The following GNAQ variants were observed in gnomAD, a reference collection of about 807,000 sequenced individuals.
GNAQ encodes guanine nucleotide-binding protein G(q) subunit alpha.
In GNAQ, 8 loss-of-function variants were observed where a neutral mutation model predicts 43.9. The observed-to-expected ratio is 0.18, with a 90% CI of 0.11 to 0.33. GNAQ has a LOEUF of 0.33. GNAQ is among the 10% of genes least tolerant of loss of function. The pLI is 1.00. For synonymous variants in GNAQ, 155 were observed against 170.7 expected, an observed-to-expected ratio of 0.91 and a Z score of 0.71; for missense variants, 158 against 450.8, an observed-to-expected ratio of 0.35 and a Z score of 5.88.
At chr9:77,888,617 G>C (rs1828348575) in intron 2 of GNAQ, among the ~76,000 whole-genome samples, 1 of 152,158 alleles carries the variant, frequency 6.6e-6, no homozygotes, top group Non-Finnish European at 1.5e-5. Context: ...TAAGGTTGGA[G>C]TTCTGCTTGC....
intron 1 of GNAQ, among the ~76,000 whole-genome samples, chr9:77,951,665 A>T (rs1822979380): frequency 6.6e-6 from 1 of 152,120 alleles, no homozygotes; most frequent in African/African-American, 2.4e-5. Context: ...CCTGAACACC[A>T]CAGAAGGGGT....
intron 1 of GNAQ, among the ~76,000 whole-genome samples, chr9:77,980,846 A>G (rs975708731): frequency 1.3e-5 from 2 of 152,214 alleles, no homozygotes; most frequent in African/African-American, 4.8e-5. Flanking sequence ...GATGTCACTA[A>G]AACAACTTCA....
intron 2 of GNAQ, among the ~76,000 whole-genome samples, chr9:77,892,415 T>C (rs1828420815): frequency 6.6e-6 from 1 of 152,214 alleles, no homozygotes; most frequent in Non-Finnish European, 1.5e-5. Context: ...AGAAGGACAC[T>C]GTCTTGGATT....
chr9:77,736,234 G>T (rs1242437349), intron 5 of GNAQ, among the ~76,000 whole-genome samples: 1 of 152,154 alleles, frequency 6.6e-6, no homozygotes, highest in Admixed American at 6.5e-5. Flanking sequence ...TAAAGGGGAG[G>T]ATCTTCAAAA....
chr9:77,811,878 C>T (rs1024103349), intron 3 of GNAQ, among the ~76,000 whole-genome samples: 6 of 152,112 alleles, frequency 3.9e-5, no homozygotes, highest in Non-Finnish European at 8.8e-5. Context: ...CAACCCCTTA[C>T]ATAACTGGCA....
chr9:77,981,587 G>A (rs996107970), intron 1 of GNAQ, among the ~76,000 whole-genome samples: 36 of 152,172 alleles, frequency 2.4e-4, no homozygotes, highest in African/African-American at 7.2e-4. Context: ...CTCCCAGGCT[G>A]TATACTCTAT....
At chr9:77,746,482 T>C (rs1825731791) in intron 5 of GNAQ, among the ~76,000 whole-genome samples, 1 of 152,174 alleles carries the variant, frequency 6.6e-6, no homozygotes, top group African/African-American at 2.4e-5. Flanking sequence ...ATCTTATATG[T>C]TGACCGTGTT....
At chr9:78,005,796 C>T (rs1469405455) in intron 1 of GNAQ, among the ~76,000 whole-genome samples, 1 of 152,172 alleles carries the variant, frequency 6.6e-6, no homozygotes, top group Non-Finnish European at 1.5e-5. Context: ...CGACTACTCC[C>T]CAGGCTCAAT....
At chr9:77,783,886 G>A (rs1826435103) in intron 5 of GNAQ, among the ~76,000 whole-genome samples, 1 of 152,012 alleles carries the variant, frequency 6.6e-6, no homozygotes, top group African/African-American at 2.4e-5. Context: ...GGGCAACATA[G>A]CAAGACCCTG....
chr9:77,802,866 C>T (rs1826767759), intron 3 of GNAQ, among the ~76,000 whole-genome samples: 1 of 152,122 alleles, frequency 6.6e-6, no homozygotes, highest in African/African-American at 2.4e-5. Flanking sequence ...ACTCCAATCC[C>T]TCCATGGGGA....
intron 2 of GNAQ, among the ~76,000 whole-genome samples, chr9:77,854,773 G>A (rs1827725479): frequency 1.3e-5 from 2 of 152,178 alleles, no homozygotes; most frequent in East Asian, 3.9e-4. Context: ...AGGACAGACA[G>A]TATAATTTAT....
intron 1 of GNAQ, among the ~76,000 whole-genome samples, chr9:77,940,823 C>T (rs1829304998): frequency 6.6e-6 from 1 of 151,752 alleles, no homozygotes. Flanking sequence ...AAAAATTAGC[C>T]GGGCGTGGTG....
At chr9:77,867,704 C>T (rs1215979171) in intron 2 of GNAQ, among the ~76,000 whole-genome samples, 4 of 152,146 alleles carry the variant, frequency 2.6e-5, no homozygotes, top group African/African-American at 4.8e-5. Context: ...GCATCACATG[C>T]AAGTACATAT....
At chr9:77,744,857 T>C (rs942625887) in intron 5 of GNAQ, among the ~76,000 whole-genome samples, 1 of 152,028 alleles carries the variant, frequency 6.6e-6, no homozygotes, top group Non-Finnish European at 1.5e-5. Context: ...AACTATTTAC[T>C]TCATTCTGTT....
intron 2 of GNAQ, among the ~76,000 whole-genome samples, chr9:77,838,568 T>A (rs918014566): frequency 6.6e-6 from 1 of 151,942 alleles, no homozygotes; most frequent in African/African-American, 2.4e-5. Context: ...TTCTGCCTCA[T>A]GATGGGAAAT....
At chr9:77,777,567 A>G (rs1400733976) in intron 5 of GNAQ, among the ~76,000 whole-genome samples, 1 of 152,016 alleles carries the variant, frequency 6.6e-6, no homozygotes, top group African/African-American at 2.4e-5. Context: ...TACAGAATAT[A>G]ATGTATTTGC....
intron 3 of GNAQ, among the ~76,000 whole-genome samples, chr9:77,807,953 T>C (rs1826853545): frequency 6.6e-6 from 1 of 152,126 alleles, no homozygotes; most frequent in Admixed American, 6.5e-5. Flanking sequence ...CCAAACTTTA[T>C]TTATAAAAAT....
chr9:77,974,042 T>C (rs1223599095), intron 1 of GNAQ, among the ~76,000 whole-genome samples: 1 of 152,210 alleles, frequency 6.6e-6, no homozygotes. Flanking sequence ...TCCTTTAATT[T>C]TTAATAATCT....
rs1328629644 is a variant in GNAQ, at chr9:77,965,316, T to G, written c.137-42971A>C. Among the ~76,000 whole-genome samples, 4 of 152,062 alleles carry G rather than the reference T, an allele frequency of 2.6e-5. No individual in the cohort carries two copies. The East Asian group carries it at 7.7e-4, about 29-fold the overall frequency. ...CATTCAACTTCCCATACAATTAAAA[T>G]TAACTACGACCACCAGCCCATCATA... On this transcript the variant is annotated intron_variant, in intron 1 of 6. Transcript: ENST00000286548.
Sources: gnomAD v4.1 joint callset for allele counts (sites outside exome capture counted in the v4.1 genomes callset) on GRCh38, gnomAD v4.1.1 for gene constraint, MANE v1.5 for transcripts, NCBI Gene and HGNC (gene_info 2026-07-23, HGNC 2026-07-21) for gene names.